HDLBP: variants seen among roughly 807,000 people sequenced by gnomAD.
The protein encoded by HDLBP is high density lipoprotein binding protein, also known as vigilin.
HDLBP carries 30 observed loss-of-function variants against 137.3 expected under a neutral mutation model. The ratio of observed to expected loss-of-function variants is 0.22; its 90% CI spans 0.16 to 0.30. The LOEUF is 0.30. Ranked by LOEUF, HDLBP falls within the 10% of genes least tolerant of loss-of-function variation. The pLI is 1.00. For synonymous variants in HDLBP, 606 were observed against 596.0 expected (o/e 1.02, Z -0.24); for missense variants, 1,119 against 1,667.3 (o/e 0.67, Z 5.73).
chr2:241,263,006 A>C, intron 4 of HDLBP, 80 bp from the exon 5 acceptor site: 1 of 1,084,092 alleles, frequency 9.2e-7, no homozygotes, highest in Non-Finnish European at 1.4e-6. Context: ...ACATGTGTTC[A>C]TCACCATCCA....
At chr2:241,292,551 G>A (rs938518379) in intron 1 of HDLBP, among the ~76,000 whole-genome samples, 2 of 152,280 alleles carry the variant, frequency 1.3e-5, no homozygotes, top group African/African-American at 2.4e-5. Flanking sequence ...ATTAATGAGC[G>A]TGGTTGGTGG....
intron 1 of HDLBP, among the ~76,000 whole-genome samples, chr2:241,314,423 A>G (rs1472022757): frequency 1.3e-5 from 2 of 152,204 alleles, no homozygotes; most frequent in Non-Finnish European, 2.9e-5. Context: ...GTTAGCTGCT[A>G]AGAAAGTGAC....
At position 241,272,898 on chromosome 2, in the gene HDLBP, C is replaced by T. The variant is rs2074220970; in HGVS notation, c.-102-4357G>A. The T allele has an allele frequency of 1.9e-6, 1 of 535,632 alleles. No individual in the cohort carries two copies. The highest frequency in any genetic ancestry group is 2.4e-6 in the Non-Finnish European group (1 of 419,336). The allele number at this position is 535,632 out of a possible 1,614,324, so 33.2% of individuals were successfully genotyped here. A position where few individuals can be genotyped will look rare whatever the true frequency, so the allele number is the denominator to read the frequency against. ...GCCCAATCCCGCCTGGACACGTCAG[C>T]GCCCGCCCGCCCCGCCGCTGGGGTC... On this transcript the variant is annotated intron_variant, in intron 1 of 27. Transcript: ENST00000310931. The surrounding 1 kb of genome is among the most constrained non-coding windows in gnomAD (Gnocchi z 5.6).
intron 24 of HDLBP, among the ~76,000 whole-genome samples, chr2:241,232,566 G>A (rs2069899555): frequency 6.6e-6 from 1 of 152,314 alleles, no homozygotes; most frequent in African/African-American, 2.4e-5. Flanking sequence ...GTGAGCCACT[G>A]TGACTCACCT....
At chr2:241,258,346 CAAAAAAA>C (rs34675892) in intron 5 of HDLBP, among the ~76,000 whole-genome samples, 27 of 55,468 alleles carry the variant, frequency 4.9e-4, no homozygotes, top group African/African-American at 2.0e-3. Context: ...GACTCCGTCT[CAAAAAAA>C]AAAAAAAAAA....
rs1273447948 is a variant in HDLBP, at chr2:241,256,594, C to T, written c.657+6G>A. On this transcript the variant is annotated splice_donor_region_variant and intron_variant, in intron 6 of 27. Transcript: ENST00000310931. ...CAGGGGCACGAGGCACTCACACAGG[C>T]CTCACCTGCTCGGCAGAGATGAGTA... 20 of 1,613,242 alleles carry T rather than the reference C, an allele frequency of 1.2e-5. No individual in the cohort carries two copies. The highest frequency in any genetic ancestry group is 1.4e-5 in the Non-Finnish European group (17 of 1,179,838).
intron 5 of HDLBP, among the ~76,000 whole-genome samples, chr2:241,257,858 G>C (rs2072793237): frequency 6.6e-6 from 1 of 150,712 alleles, no homozygotes; most frequent in Non-Finnish European, 1.5e-5. Flanking sequence ...GGAAATACCA[G>C]TATACGGAAA....
In HDLBP at chr2:241,238,512, C is replaced by T; in HGVS notation, c.2749+137G>A. The stretch of plus-strand genomic sequence containing the variant: ...TAAAGGCCAGGGAGTGACCCTGAAC[C>T]TCTGGAAGCCCCCAGAATACATAGA... On this transcript the variant is annotated intron_variant, in intron 20 of 27. Transcript: ENST00000310931. This position sits in a 1 kb window ranked among gnomAD's most constrained non-coding sequence, Gnocchi z 4.9. The T allele has an allele frequency of 3.0e-6, 2 of 658,104 alleles. No homozygotes were observed. Among genetic ancestry groups the T allele is most frequent in the Non-Finnish European group, 4.8e-6 (2 of 414,138 alleles). The allele number at this position is 658,104 out of a possible 1,614,324, so 40.8% of individuals were successfully genotyped here.
chr2:241,257,047 C>T (rs1007237048), intron 5 of HDLBP, among the ~76,000 whole-genome samples: 1 of 152,098 alleles, frequency 6.6e-6, no homozygotes, highest in Admixed American at 6.5e-5. Flanking sequence ...GAATATACAC[C>T]CACAAAGGGA....
rs536812533 is a variant in HDLBP at position 241,240,713 on chromosome 2, C to G, written c.2170-591G>C. 2.7e-5 allele frequency among the ~76,000 whole-genome samples: 4 copies of G among 149,574 alleles called. No homozygotes were observed. Among genetic ancestry groups the G allele is most frequent in the African/African-American group, 1.0e-4 (4 of 38,968 alleles). On this transcript the variant is annotated intron_variant, in intron 17 of 27. Transcript: ENST00000310931. The surrounding 1 kb of genome is among the most constrained non-coding windows in gnomAD (Gnocchi z 5.5). Reference sequence around the variant, plus strand: ...ACCAAGGCTACAGTTAGAGACCGGTCCTCAGAGGCCTCGTGTAGTGCGACG... The same window carrying G: ...ACCAAGGCTACAGTTAGAGACCGGTGCTCAGAGGCCTCGTGTAGTGCGACG...
chr2:241,229,828 C>G lies in HDLBP; in HGVS notation c.3720+5G>C, dbSNP rs757487118. The G allele has an allele frequency of 7.8e-6, 12 of 1,540,218 alleles. No homozygotes were observed. The highest frequency in any genetic ancestry group is 1.2e-5 in the South Asian group (1 of 85,360). On this transcript the variant is annotated splice_donor_5th_base_variant and intron_variant, in intron 27 of 27. Coordinates refer to ENST00000310931, the MANE Select transcript of HDLBP (RefSeq NM_005336.6). Reference sequence around the variant, plus strand: ...GACCCAGGAGGGCAGAAGCCCGCATCTGACCTTCTCACTGCTGCTGGCGGT... The same window carrying G: ...GACCCAGGAGGGCAGAAGCCCGCATGTGACCTTCTCACTGCTGCTGGCGGT...
At chr2:241,287,755 C>T (rs962129155) in intron 1 of HDLBP, among the ~76,000 whole-genome samples, 6 of 152,080 alleles carry the variant, frequency 3.9e-5, no homozygotes, top group Non-Finnish European at 7.4e-5. Context: ...TGTAACCAGT[C>T]GTGTTAAAAG....
intron 1 of HDLBP, among the ~76,000 whole-genome samples, chr2:241,308,374 TTGTATG>T (rs2075649485): frequency 6.6e-6 from 1 of 152,242 alleles, no homozygotes; most frequent in African/African-American, 2.4e-5. Context: ...GAAACTCAAG[TTGTATG>T]CCAAAAATAA....
At chr2:241,252,068 G>A (rs2072243847) in intron 11 of HDLBP, among the ~76,000 whole-genome samples, 1 of 152,050 alleles carries the variant, frequency 6.6e-6, no homozygotes, top group South Asian at 2.1e-4. Context: ...TGCTACACCT[G>A]CAACCTGGCA....
intron 4 of HDLBP, among the ~76,000 whole-genome samples, chr2:241,263,777 A>C (rs1348058099): frequency 6.6e-6 from 1 of 152,198 alleles, no homozygotes; most frequent in African/African-American, 2.4e-5. Flanking sequence ...GAAACTGGTT[A>C]ACCTCTTCGA....
chr2:241,231,531 C>G (rs1376458094), intron 24 of HDLBP, among the ~76,000 whole-genome samples: 11 of 152,096 alleles, frequency 7.2e-5, no homozygotes, highest in Non-Finnish European at 1.6e-4. Flanking sequence ...CACTAACAGG[C>G]AAGAATTCTG....
At chr2:241,299,831 C>T (rs1045252715) in intron 1 of HDLBP, among the ~76,000 whole-genome samples, 7 of 152,150 alleles carry the variant, frequency 4.6e-5, no homozygotes, top group Admixed American at 2.6e-4. Flanking sequence ...AGGAGAACAG[C>T]GTGAACCCAG....
Position 241,239,299 on chromosome 2 carries a change from T to C in HDLBP, c.2610+303A>G, listed in dbSNP as rs1329698111. On this transcript the variant is annotated intron_variant, in intron 19 of 27. Coordinates refer to ENST00000310931, the MANE Select transcript of HDLBP (RefSeq NM_005336.6). This position sits in a 1 kb window ranked among gnomAD's most constrained non-coding sequence, Gnocchi z 4.6. Reference sequence around the variant, plus strand: ...CATTTTCATTTTTCCTGATCCCTTATACAGAATGCATTTTCTTTCTTTCTC... The same window carrying C: ...CATTTTCATTTTTCCTGATCCCTTACACAGAATGCATTTTCTTTCTTTCTC... 1.3e-5 allele frequency among the ~76,000 whole-genome samples: 2 copies of C among 152,164 alleles called. No homozygotes were observed. The highest frequency in any genetic ancestry group is 2.9e-5 in the Non-Finnish European group (2 of 68,012).
At chr2:241,256,543 G>C (rs2072630680) in intron 6 of HDLBP, 57 bp downstream of exon 6, 2 of 1,574,566 alleles carry the variant, frequency 1.3e-6, no homozygotes, top group Admixed American at 3.3e-5. Flanking sequence ...ACCCATGAGG[G>C]AGTGAGGTCT....
Sources: allele counts gnomAD v4.1 joint callset (sites outside exome capture counted in the v4.1 genomes callset), GRCh38; gene constraint gnomAD v4.1.1; non-coding constraint Gnocchi (gnomAD v3.1); transcripts MANE v1.5; gene names NCBI Gene and HGNC (gene_info 2026-07-23, HGNC 2026-07-21).